The following LMBR1 variants were observed in gnomAD, a reference collection of about 807,000 sequenced individuals.
LMBR1 encodes the protein limb region 1 protein homolog.
Under a neutral mutation model 73.9 loss-of-function variants are expected in LMBR1, and 52 were observed. The observed-to-expected ratio is 0.70, with a 90% CI of 0.56 to 0.89. LMBR1 has a LOEUF of 0.89. Ranked by LOEUF, LMBR1 falls within the 40% of genes least tolerant of loss-of-function variation. The pLI is 0.00. For missense variants in LMBR1, 539 were observed against 579.8 expected, an observed-to-expected ratio of 0.93 and a Z score of 0.72; for synonymous variants, 215 against 209.4, an observed-to-expected ratio of 1.03 and a Z score of -0.23.
chr7:156,832,757 A>C (rs549879791), intron 3 of LMBR1, among the ~76,000 whole-genome samples: 12 of 152,320 alleles, frequency 7.9e-5, no homozygotes, highest in Non-Finnish European at 1.6e-4. Flanking sequence ...CAAAGGATGC[A>C]TAATCTGATA....
chr7:156,794,008 T>G (rs530746073), intron 5 of LMBR1, among the ~76,000 whole-genome samples: 1 of 152,314 alleles, frequency 6.6e-6, no homozygotes, highest in South Asian at 2.1e-4. Flanking sequence ...CCCATCTCCC[T>G]CCTTCCTTTA....
intron 1 of LMBR1, among the ~76,000 whole-genome samples, chr7:156,888,359 G>A (rs980520559): frequency 2.0e-5 from 3 of 148,634 alleles, no homozygotes; most frequent in South Asian, 2.1e-4. Context: ...GCAGTGAGCC[G>A]AGATTGAGTC....
intron 3 of LMBR1, among the ~76,000 whole-genome samples, chr7:156,827,904 T>G (rs534888003): frequency 6.6e-6 from 1 of 152,038 alleles, no homozygotes; most frequent in African/African-American, 2.4e-5. Flanking sequence ...TTAAGAAAAA[T>G]ACAACTGATA....
chr7:156,777,917 C>G (rs984957924), intron 5 of LMBR1, among the ~76,000 whole-genome samples: 2 of 152,180 alleles, frequency 1.3e-5, no homozygotes, highest in Non-Finnish European at 2.9e-5. Flanking sequence ...ACCCTACCCC[C>G]ACCATACACC....
intron 1 of LMBR1, among the ~76,000 whole-genome samples, chr7:156,840,025 A>T (rs977206259): frequency 6.6e-6 from 1 of 152,250 alleles, no homozygotes; most frequent in Non-Finnish European, 1.5e-5. Context: ...GAGAGAAGAC[A>T]GAAACACAGT....
chr7:156,795,485 T>C (rs528285723), intron 5 of LMBR1, among the ~76,000 whole-genome samples: 1 of 151,174 alleles, frequency 6.6e-6, no homozygotes, highest in Admixed American at 6.5e-5. Context: ...TGAATGAATA[T>C]CCATCAAAAG....
chr7:156,771,601 C>A (rs1825198291), intron 5 of LMBR1, among the ~76,000 whole-genome samples: 1 of 152,136 alleles, frequency 6.6e-6, no homozygotes, highest in South Asian at 2.1e-4. Flanking sequence ...AAAAAGCCAA[C>A]TGACTAGAAA....
intron 1 of LMBR1, among the ~76,000 whole-genome samples, chr7:156,845,966 AG>A (rs1390121281): frequency 6.6e-6 from 1 of 151,696 alleles, no homozygotes; most frequent in Non-Finnish European, 1.5e-5. Context: ...AAAATACCTC[AG>A]AAAAAAAAAA....
intron 4 of LMBR1, among the ~76,000 whole-genome samples, chr7:156,802,323 T>C (rs1248449206): frequency 6.6e-6 from 1 of 152,242 alleles, no homozygotes; most frequent in Non-Finnish European, 1.5e-5. Flanking sequence ...TGCAAATGTA[T>C]GATTACAAAT....
At chr7:156,706,779 T>C (rs1811024336) in intron 15 of LMBR1, among the ~76,000 whole-genome samples, 1 of 151,414 alleles carries the variant, frequency 6.6e-6, no homozygotes, top group Non-Finnish European at 1.5e-5. Flanking sequence ...TGAAAGATAC[T>C]GAAAGATACA....
chr7:156,816,452 G>A (rs1351329862), intron 4 of LMBR1, among the ~76,000 whole-genome samples: 2 of 152,140 alleles, frequency 1.3e-5, no homozygotes, highest in Non-Finnish European at 2.9e-5. Flanking sequence ...ATGTCTGTTG[G>A]ACAACTGAAG....
chr7:156,779,159 G>C (rs1293820039), intron 5 of LMBR1, among the ~76,000 whole-genome samples: 4 of 152,112 alleles, frequency 2.6e-5, no homozygotes, highest in Non-Finnish European at 5.9e-5. Context: ...AGTTTTGAAT[G>C]CTTAGATTAT....
chr7:156,742,031 T>G (rs1818994670), intron 9 of LMBR1, among the ~76,000 whole-genome samples: 1 of 152,024 alleles, frequency 6.6e-6, no homozygotes, highest in African/African-American at 2.4e-5. Context: ...TTAAACAAAA[T>G]GCTCCTGAAT....
At chr7:156,821,322 T>G (rs899011891) in intron 4 of LMBR1, among the ~76,000 whole-genome samples, 5 of 152,184 alleles carry the variant, frequency 3.3e-5, no homozygotes, top group African/African-American at 1.2e-4. Flanking sequence ...TAAAATCAGC[T>G]GACGGAGGAA....
chr7:156,847,282 C>A (rs1182539181), intron 1 of LMBR1, among the ~76,000 whole-genome samples: 2 of 152,146 alleles, frequency 1.3e-5, no homozygotes, highest in Admixed American at 6.5e-5. Flanking sequence ...CAACAATTAA[C>A]TCAAAATGGA....
chr7:156,726,786 C>T (rs1229376421), intron 12 of LMBR1, among the ~76,000 whole-genome samples: 7 of 152,146 alleles, frequency 4.6e-5, no homozygotes, highest in African/African-American at 9.7e-5. Context: ...CCTTCTCCTG[C>T]GAAGCAGGCC....
At chr7:156,692,765 C>T (rs1807491619) in intron 15 of LMBR1, among the ~76,000 whole-genome samples, 1 of 152,112 alleles carries the variant, frequency 6.6e-6, no homozygotes, top group Non-Finnish European at 1.5e-5. Context: ...AAAGGAAGAA[C>T]CTGGCAGACA....
At chr7:156,700,601 C>T (rs1809459567) in intron 15 of LMBR1, among the ~76,000 whole-genome samples, 1 of 152,056 alleles carries the variant, frequency 6.6e-6, no homozygotes, top group Non-Finnish European at 1.5e-5. Context: ...GTTCCTCATC[C>T]CCACCTGAGA....
chr7:156,885,970 G>C (rs1361149420), intron 1 of LMBR1, among the ~76,000 whole-genome samples: 2 of 151,654 alleles, frequency 1.3e-5, no homozygotes, highest in Non-Finnish European at 2.9e-5. Flanking sequence ...AACCCAGGAG[G>C]TAGAGGTTGC....
Sources: allele counts gnomAD v4.1 joint callset (sites outside exome capture counted in the v4.1 genomes callset), GRCh38; gene constraint gnomAD v4.1.1; transcripts MANE v1.5; gene names NCBI Gene and HGNC (gene_info 2026-07-23, HGNC 2026-07-21).